Variants in ZNF385D observed in about 807,000 individuals in gnomAD.
The protein encoded by ZNF385D is zinc finger protein 659.
Under a neutral mutation model 35.8 loss-of-function variants are expected in ZNF385D, and 15 were observed. The ratio of observed to expected loss-of-function variants is 0.42; its 90% CI spans 0.28 to 0.64. The LOEUF (loss-of-function observed/expected upper bound fraction) is 0.64, where lower values mean the gene tolerates loss of function less well. Ranked by LOEUF, ZNF385D falls within the 30% of genes least tolerant of loss-of-function variation. ZNF385D has a pLI of 0.23. For synonymous variants in ZNF385D, 212 were observed against 186.8 expected (o/e 1.13, Z -1.10); for missense variants, 474 against 494.6 (o/e 0.96, Z 0.39).
chr3:21,866,879 G>C (rs1429961048), intron 3 of ZNF385D, among the ~76,000 whole-genome samples: 2 of 152,116 alleles, frequency 1.3e-5, no homozygotes, highest in South Asian at 2.1e-4. Context: ...GCTTAAGATA[G>C]GTCCAAAAAT....
intron 2 of ZNF385D, among the ~76,000 whole-genome samples, chr3:22,276,699 A>G (rs1039930424): frequency 6.6e-6 from 1 of 152,176 alleles, no homozygotes; most frequent in African/African-American, 2.4e-5. Context: ...AAGTGTCCAC[A>G]GAGTATTTGC....
chr3:21,930,228 T>C (rs755679626), intron 3 of ZNF385D, among the ~76,000 whole-genome samples: 1 of 150,014 alleles, frequency 6.7e-6, no homozygotes, highest in Non-Finnish European at 1.5e-5. Context: ...GCTTGAACTA[T>C]AGGGTATCTA....
chr3:21,483,143 C>T (rs1704757048), intron 4 of ZNF385D, among the ~76,000 whole-genome samples: 1 of 152,072 alleles, frequency 6.6e-6, no homozygotes, highest in East Asian at 1.9e-4. Flanking sequence ...TGTACTACCC[C>T]ATTAAAGTCA....
intron 1 of ZNF385D, among the ~76,000 whole-genome samples, chr3:21,748,169 G>A (rs1210849032): frequency 1.3e-5 from 2 of 152,216 alleles, no homozygotes; most frequent in African/African-American, 2.4e-5. Flanking sequence ...AATCTCAATA[G>A]GAGATAAGAG....
chr3:22,090,909 A>G (rs957006236), intron 3 of ZNF385D, among the ~76,000 whole-genome samples: 1 of 152,168 alleles, frequency 6.6e-6, no homozygotes, highest in African/African-American at 2.4e-5. Flanking sequence ...TATGACCCAA[A>G]CTAACTAGTG....
intron 2 of ZNF385D, among the ~76,000 whole-genome samples, chr3:22,318,421 T>C (rs928334837): frequency 6.6e-6 from 1 of 152,104 alleles, no homozygotes; most frequent in African/African-American, 2.4e-5. Flanking sequence ...CAAGTTTGTC[T>C]CCAGTGTGAA....
At chr3:22,205,669 G>A (rs1353136536) in intron 2 of ZNF385D, among the ~76,000 whole-genome samples, 1 of 152,006 alleles carries the variant, frequency 6.6e-6, no homozygotes, top group African/African-American at 2.4e-5. Flanking sequence ...ATGCAACAGT[G>A]TTAAGTTGTC....
intron 2 of ZNF385D, among the ~76,000 whole-genome samples, chr3:21,661,642 G>A (rs1169618936): frequency 6.6e-6 from 1 of 152,188 alleles, no homozygotes; most frequent in Non-Finnish European, 1.5e-5. Context: ...AATACGTGAG[G>A]AATTCAAGGA....
intron 4 of ZNF385D, among the ~76,000 whole-genome samples, chr3:21,477,531 T>A (rs1704333795): frequency 6.6e-6 from 1 of 152,142 alleles, no homozygotes; most frequent in Non-Finnish European, 1.5e-5. Context: ...TACTGTTTTG[T>A]TCAAGTCACT....
intron 4 of ZNF385D, among the ~76,000 whole-genome samples, chr3:21,437,889 C>T (rs562139075): frequency 7.0e-4 from 107 of 152,144 alleles, no homozygotes; most frequent in African/African-American, 2.4e-3. Context: ...CCAAGCTGTA[C>T]GCAGGGAGTT....
intron 3 of ZNF385D, among the ~76,000 whole-genome samples, chr3:21,900,374 C>A (rs1040006997): frequency 1.3e-5 from 2 of 152,000 alleles, no homozygotes; most frequent in Non-Finnish European, 2.9e-5. Flanking sequence ...AAGAAAGCAA[C>A]CTACCCAGCT....
chr3:22,060,943 A>C (rs1204419269), intron 3 of ZNF385D, among the ~76,000 whole-genome samples: 1 of 152,126 alleles, frequency 6.6e-6, no homozygotes, highest in Non-Finnish European at 1.5e-5. Flanking sequence ...AGTTAATTTC[A>C]TATCAAATTA....
intron 2 of ZNF385D, among the ~76,000 whole-genome samples, chr3:21,644,687 A>G (rs2065700859): frequency 6.6e-6 from 1 of 152,218 alleles, no homozygotes; most frequent in South Asian, 2.1e-4. Flanking sequence ...TCTTTACAAT[A>G]CATACAACGG....
chr3:21,848,202 A>G (rs1213360631), intron 3 of ZNF385D, among the ~76,000 whole-genome samples: 2 of 152,100 alleles, frequency 1.3e-5, no homozygotes, highest in Middle Eastern at 3.4e-3. Context: ...AGGACAAATA[A>G]TATTTCGATC....
chr3:21,840,014 T>G (rs1695564488), intron 3 of ZNF385D, among the ~76,000 whole-genome samples: 2 of 152,106 alleles, frequency 1.3e-5, no homozygotes, highest in South Asian at 4.1e-4. Context: ...TAATTATTTT[T>G]CAACGTTTTT....
chr3:21,723,502 G>A (rs1228932542), intron 1 of ZNF385D, among the ~76,000 whole-genome samples: 1 of 152,080 alleles, frequency 6.6e-6, no homozygotes, highest in African/African-American at 2.4e-5. Flanking sequence ...ACTTCGTGAA[G>A]CATACACAAA....
chr3:22,042,842 C>G (rs925359262), intron 3 of ZNF385D, among the ~76,000 whole-genome samples: 6 of 152,168 alleles, frequency 3.9e-5, no homozygotes, highest in African/African-American at 1.4e-4. Flanking sequence ...GTTTGGTTGT[C>G]TTTGGAAGAT....
intron 5 of ZNF385D, among the ~76,000 whole-genome samples, chr3:21,435,531 T>C (rs758722542): frequency 5.3e-5 from 8 of 152,052 alleles, no homozygotes; most frequent in Non-Finnish European, 8.8e-5. Context: ...TGCCAAAGTG[T>C]TGAGATTACA....
In ZNF385D at chr3:22,265,236, T is replaced by C. The variant is rs145969224; in HGVS notation, c.107-96201A>G. Among the ~76,000 whole-genome samples the C allele has an allele frequency of 3.9e-5, 6 of 152,048 alleles. No individual in the cohort carries two copies. The East Asian group carries it at 9.7e-4, about 25-fold the overall frequency. ...GATAGAGAATTACAGGGCGACCTAC[T>C]CAGATAATATAATTTGGAAAGACCT... On this transcript the variant is annotated intron_variant, in intron 2 of 5. Transcript: ENST00000494108.
Sources: allele counts gnomAD v4.1 joint callset (sites outside exome capture counted in the v4.1 genomes callset), GRCh38; gene constraint gnomAD v4.1.1; transcripts MANE v1.5; gene names NCBI Gene and HGNC (gene_info 2026-07-23, HGNC 2026-07-21).